Variants in MPP7 observed in about 807,000 individuals in gnomAD.
MPP7 encodes MAGUK p55 scaffold protein 7, also known as MAGUK p55 subfamily member 7.
A neutral mutation model predicts 76.5 loss-of-function variants in MPP7; 60 were observed. The ratio of observed to expected loss-of-function variants is 0.78; its 90% CI spans 0.64 to 0.97. The LOEUF (loss-of-function observed/expected upper bound fraction) is 0.97. Among genes scored for constraint, MPP7 ranks in the 50% least tolerant of loss-of-function variants. The pLI is 0.00. For synonymous variants in MPP7, 237 were observed against 244.5 expected, an observed-to-expected ratio of 0.97 and a Z score of 0.29; for missense variants, 641 against 694.0, an observed-to-expected ratio of 0.92 and a Z score of 0.86.
At chr10:28,072,949 C>G (rs977496100) in intron 12 of MPP7, among the ~76,000 whole-genome samples, 1 of 152,146 alleles carries the variant, frequency 6.6e-6, no homozygotes, top group African/African-American at 2.4e-5. Context: ...TAAGACCAAC[C>G]CAATGGCCTC....
At chr10:28,061,991 G>A (rs1851805465) in intron 13 of MPP7, among the ~76,000 whole-genome samples, 1 of 151,920 alleles carries the variant, frequency 6.6e-6, no homozygotes, top group Non-Finnish European at 1.5e-5. Context: ...ACAGCCGACT[G>A]TTCAAAAAAA....
chr10:28,122,355 C>G (rs1053421074), intron 8 of MPP7, among the ~76,000 whole-genome samples: 1 of 152,132 alleles, frequency 6.6e-6, no homozygotes, highest in Admixed American at 6.5e-5. Context: ...ATTTGATCAA[C>G]GCAACTTTCT....
chr10:28,086,813 G>A (rs1017218592), intron 12 of MPP7, among the ~76,000 whole-genome samples: 1 of 152,102 alleles, frequency 6.6e-6, no homozygotes, highest in Admixed American at 6.5e-5. Flanking sequence ...AAGCCCACCA[G>A]AGTCTATCCC....
chr10:28,054,280 C>T (rs1420575421), intron 16 of MPP7, 36 bp from the exon 17 acceptor site: 1 of 1,296,108 alleles, frequency 7.7e-7, no homozygotes, highest in East Asian at 2.5e-5. Context: ...AATTGGTTAA[C>T]CAGGCCATTA....
intron 1 of MPP7, among the ~76,000 whole-genome samples, chr10:28,289,913 G>A (rs544506306): frequency 6.6e-6 from 1 of 152,162 alleles, no homozygotes; most frequent in African/African-American, 2.4e-5. Flanking sequence ...CCGCCTCCCT[G>A]GCTCAAGCAA....
chr10:28,061,790 G>C (rs1193869471), intron 13 of MPP7, among the ~76,000 whole-genome samples: 2 of 151,954 alleles, frequency 1.3e-5, no homozygotes, highest in Non-Finnish European at 2.9e-5. Context: ...TCTCAAAGCA[G>C]CTAGGAAAAA....
At chr10:28,126,677 A>C (rs1391802171) in intron 6 of MPP7, among the ~76,000 whole-genome samples, 1 of 152,122 alleles carries the variant, frequency 6.6e-6, no homozygotes, top group African/African-American at 2.4e-5. Context: ...ATTGTCTCTA[A>C]AAGGGGGATC....
At chr10:28,139,090 A>G (rs1835433634) in intron 5 of MPP7, among the ~76,000 whole-genome samples, 2 of 152,208 alleles carry the variant, frequency 1.3e-5, no homozygotes, top group African/African-American at 4.8e-5. Context: ...AACAAAAAAC[A>G]AAAGAAACTA....
chr10:28,065,938 T>A (rs992615958), intron 13 of MPP7, among the ~76,000 whole-genome samples: 4 of 152,208 alleles, frequency 2.6e-5, no homozygotes, highest in Admixed American at 2.6e-4. Context: ...TCTACCATAA[T>A]AATTTTTGTT....
intron 13 of MPP7, among the ~76,000 whole-genome samples, chr10:28,060,641 G>C (rs1851743672): frequency 6.6e-6 from 1 of 152,208 alleles, no homozygotes; most frequent in South Asian, 2.1e-4. Flanking sequence ...AATGCCAAGA[G>C]AAGCCCTAAC....
intron 11 of MPP7, among the ~76,000 whole-genome samples, chr10:28,114,420 GA>G (rs1834597916): frequency 6.6e-6 from 1 of 151,114 alleles, no homozygotes; most frequent in African/African-American, 2.4e-5. Context: ...TCAAAAAAAG[GA>G]AAACCTTTTT....
At chr10:28,206,787 C>T (rs953193986) in intron 2 of MPP7, among the ~76,000 whole-genome samples, 28 of 152,092 alleles carry the variant, frequency 1.8e-4, no homozygotes, top group African/African-American at 6.8e-4. Context: ...TGTCCTGTAA[C>T]TGTATAGTTT....
chr10:28,159,105 T>C (rs1836170324), intron 3 of MPP7, among the ~76,000 whole-genome samples: 1 of 152,016 alleles, frequency 6.6e-6, no homozygotes, highest in Non-Finnish European at 1.5e-5. Flanking sequence ...TAATTGAAAA[T>C]GTCCTGGAAG....
intron 5 of MPP7, among the ~76,000 whole-genome samples, chr10:28,143,362 T>C (rs1050161268): frequency 2.6e-5 from 4 of 152,290 alleles, no homozygotes; most frequent in Non-Finnish European, 4.4e-5. Context: ...AAAATACAAT[T>C]ACGTATTATC....
intron 1 of MPP7, among the ~76,000 whole-genome samples, chr10:28,286,703 CTGA>C (rs1334740389): frequency 7.2e-5 from 11 of 152,208 alleles, no homozygotes; most frequent in African/African-American, 2.6e-4. Context: ...ACAGGAAGCA[CTGA>C]TGATCAAAGC....
At chr10:28,059,269 T>C (rs10219010) in intron 14 of MPP7, among the ~76,000 whole-genome samples, 44,184 of 151,964 alleles carry the variant, frequency 0.29, 7,278 homozygotes, top group East Asian at 0.66. Flanking sequence ...GAGAATGAGA[T>C]GCAGGTGTGT....
intron 3 of MPP7, among the ~76,000 whole-genome samples, chr10:28,168,335 C>T (rs1239567437): frequency 6.6e-6 from 1 of 152,132 alleles, no homozygotes; most frequent in African/African-American, 2.4e-5. Context: ...TGTAGATGTG[C>T]TTTCTATTTT....
intron 8 of MPP7, among the ~76,000 whole-genome samples, chr10:28,121,208 G>C (rs1834826693): frequency 6.6e-6 from 1 of 151,812 alleles, no homozygotes; most frequent in Non-Finnish European, 1.5e-5. Context: ...AGGAGTTCAA[G>C]GCTGCGGTGA....
intron 1 of MPP7, among the ~76,000 whole-genome samples, chr10:28,270,894 G>C (rs1840306536): frequency 6.6e-6 from 1 of 151,944 alleles, no homozygotes; most frequent in East Asian, 1.9e-4. Context: ...AATGATGATG[G>C]GATCTCTCAG....
Sources: gnomAD v4.1 joint callset for allele counts (sites outside exome capture counted in the v4.1 genomes callset) on GRCh38, gnomAD v4.1.1 for gene constraint, MANE v1.5 for transcripts, NCBI Gene and HGNC (gene_info 2026-07-23, HGNC 2026-07-21) for gene names.